The following IQCM variants were observed in gnomAD, a reference collection of about 807,000 sequenced individuals.
IQCM encodes the protein IQ motif containing M, also known as IQ domain-containing protein M.
IQCM carries 45 observed loss-of-function variants against 57.6 expected under a neutral mutation model. The observed-to-expected ratio is 0.78, with a 90% confidence interval of 0.62 to 1.00. IQCM has a LOEUF of 1.00. Ranked by LOEUF, IQCM falls within the 50% of genes least tolerant of loss-of-function variation. The pLI is 0.00. For synonymous variants in IQCM, 148 were observed against 158.9 expected (o/e 0.93, Z 0.51); for missense variants, 468 against 511.6 (o/e 0.91, Z 0.82).
intron 8 of IQCM, among the ~76,000 whole-genome samples, chr4:149,612,928 A>G (rs191982507): frequency 4.9e-4 from 75 of 152,230 alleles, no homozygotes; most frequent in Middle Eastern, 6.8e-3. Flanking sequence ...GTCAAAAAAA[A>G]TCATAGTCAC....
intron 12 of IQCM, among the ~76,000 whole-genome samples, chr4:149,462,777 G>T (rs550796015): frequency 1.3e-5 from 2 of 152,304 alleles, no homozygotes; most frequent in African/African-American, 4.8e-5. Flanking sequence ...TTACACCACA[G>T]TTGGAGAGCA....
At chr4:149,374,926 G>A (rs188156289) in intron 13 of IQCM, among the ~76,000 whole-genome samples, 1 of 151,720 alleles carries the variant, frequency 6.6e-6, no homozygotes, top group African/African-American at 2.4e-5. Flanking sequence ...AAAACTAGAG[G>A]ACAAGATTAT....
intron 12 of IQCM, among the ~76,000 whole-genome samples, chr4:149,435,583 A>C (rs543044894): frequency 1.3e-5 from 2 of 152,054 alleles, no homozygotes; most frequent in East Asian, 3.9e-4. Flanking sequence ...AAAAAAAAAA[A>C]AAACAGTAAA....
intron 5 of IQCM, among the ~76,000 whole-genome samples, chr4:149,690,422 G>A (rs1192586914): frequency 1.3e-5 from 2 of 151,936 alleles, no homozygotes; most frequent in Non-Finnish European, 2.9e-5. Flanking sequence ...GGGACTTGGG[G>A]GGAAAGGTGG....
intron 12 of IQCM, among the ~76,000 whole-genome samples, chr4:149,546,960 C>A (rs1256079037): frequency 6.6e-6 from 1 of 152,160 alleles, no homozygotes; most frequent in African/African-American, 2.4e-5. Flanking sequence ...TTAGGTCTAA[C>A]ATTTAAGTCT....
intron 12 of IQCM, among the ~76,000 whole-genome samples, chr4:149,529,518 G>A (rs936544477): frequency 6.6e-6 from 1 of 152,160 alleles, no homozygotes; most frequent in Non-Finnish European, 1.5e-5. Flanking sequence ...TTGACCAACA[G>A]TGTTTTCCTA....
intron 5 of IQCM, among the ~76,000 whole-genome samples, chr4:149,719,134 C>G (rs1434994473): frequency 6.6e-6 from 1 of 151,994 alleles, no homozygotes; most frequent in Non-Finnish European, 1.5e-5. Flanking sequence ...CACCTGAGGT[C>G]AGGAGTTCGA....
intron 12 of IQCM, among the ~76,000 whole-genome samples, chr4:149,462,878 C>A (rs533418421): frequency 6.6e-6 from 1 of 152,164 alleles, no homozygotes; most frequent in African/African-American, 2.4e-5. Context: ...ACATACAAAT[C>A]TGAGCTGCAG....
intron 5 of IQCM, among the ~76,000 whole-genome samples, chr4:149,730,994 G>C (rs546859059): frequency 1.3e-5 from 2 of 152,170 alleles, no homozygotes; most frequent in African/African-American, 4.8e-5. Flanking sequence ...TCAAGTGCTA[G>C]GTCTCCTTTT....
chr4:149,420,165 T>A (rs1734026538), intron 13 of IQCM, among the ~76,000 whole-genome samples: 1 of 152,098 alleles, frequency 6.6e-6, no homozygotes, highest in Non-Finnish European at 1.5e-5. Context: ...GGAATATAAA[T>A]CATTCTATTA....
chr4:149,577,549 G>A (rs1280058035), intron 9 of IQCM, among the ~76,000 whole-genome samples: 4 of 151,828 alleles, frequency 2.6e-5, no homozygotes, highest in Admixed American at 6.6e-5. Context: ...GTAGGTGTGC[G>A]GCTTTATTTC....
At chr4:149,630,996 C>T (rs973515885) in intron 7 of IQCM, among the ~76,000 whole-genome samples, 1 of 152,090 alleles carries the variant, frequency 6.6e-6, no homozygotes, top group African/African-American at 2.4e-5. Flanking sequence ...TCTCACTATA[C>T]CCAGACCAAT....
At chr4:149,789,492 T>C (rs1342414293) in intron 2 of IQCM, among the ~76,000 whole-genome samples, 1 of 152,176 alleles carries the variant, frequency 6.6e-6, no homozygotes, top group East Asian at 1.9e-4. Context: ...ATTTATCATC[T>C]CAATATTAAC....
Position 149,389,529 on chromosome 4 carries a change from T to TA in IQCM, c.1391-37464dup, listed in dbSNP as rs992444720. On this transcript the variant is annotated intron_variant, in intron 13 of 13. Transcript: ENST00000636793. ...TACACCATGGAATACTATGCAGCCA[T>TA]AAAAAATGATGAGTTCATATCCTTT... 2.6e-5 allele frequency among the ~76,000 whole-genome samples: 4 copies of TA among 151,540 alleles called. No homozygotes were observed. In the South Asian group the frequency reaches 6.3e-4, roughly 24 times the overall value.
chr4:149,369,951 A>G (rs1383311554), intron 13 of IQCM, among the ~76,000 whole-genome samples: 1 of 152,210 alleles, frequency 6.6e-6, no homozygotes, highest in Non-Finnish European at 1.5e-5. Context: ...GTTGGAGTGC[A>G]GTGGTGCAAT....
chr4:149,500,680 A>C (rs1245140883), intron 12 of IQCM, among the ~76,000 whole-genome samples: 2 of 152,228 alleles, frequency 1.3e-5, no homozygotes, highest in East Asian at 3.8e-4. Context: ...ACAGGTTTTT[A>C]AGCAGATGGC....
At chr4:149,374,355 A>G (rs1385732518) in intron 13 of IQCM, among the ~76,000 whole-genome samples, 1 of 152,098 alleles carries the variant, frequency 6.6e-6, no homozygotes, top group African/African-American at 2.4e-5. Context: ...TTTAAACTGC[A>G]TTAGTGCTGC....
chr4:149,591,108 C>G (rs376664592), intron 8 of IQCM, among the ~76,000 whole-genome samples: 1 of 152,000 alleles, frequency 6.6e-6, no homozygotes, highest in African/African-American at 2.4e-5. Context: ...TTTTCATACT[C>G]CTTTTCCCCA....
At chr4:149,397,179 C>T (rs775595769) in intron 13 of IQCM, among the ~76,000 whole-genome samples, 1 of 151,748 alleles carries the variant, frequency 6.6e-6, no homozygotes, top group Non-Finnish European at 1.5e-5. Flanking sequence ...GCAAGTGTTC[C>T]AGTTTCTCCA....
Sources: gnomAD v4.1 joint callset for allele counts (sites outside exome capture counted in the v4.1 genomes callset) on GRCh38, gnomAD v4.1.1 for gene constraint, MANE v1.5 for transcripts, NCBI Gene and HGNC (gene_info 2026-07-23, HGNC 2026-07-21) for gene names.